The following PDGFD variants were observed in gnomAD, a reference collection of about 807,000 sequenced individuals.
PDGFD encodes platelet-derived growth factor D.
Under a neutral mutation model 44.7 loss-of-function variants are expected in PDGFD, and 30 were observed. That is an observed-to-expected ratio of 0.67 (90% CI 0.50 to 0.91). PDGFD has a LOEUF of 0.91. Ranked by LOEUF, PDGFD falls within the 40% of genes least tolerant of loss-of-function variation. The probability of loss-of-function intolerance (pLI) is 0.00; values close to 1 mark genes in which losing one functional copy is unlikely to be tolerated. For missense variants in PDGFD, 445 were observed against 457.8 expected (o/e 0.97, Z 0.25); for synonymous variants, 173 against 168.4 (o/e 1.03, Z -0.21).
At chr11:104,051,811 T>C (rs1300907928) in intron 1 of PDGFD, among the ~76,000 whole-genome samples, 1 of 150,808 alleles carries the variant, frequency 6.6e-6, no homozygotes, top group African/African-American at 2.5e-5. Context: ...CTGTGCTTTT[T>C]TTGACTTAAA....
At chr11:104,113,697 G>A (rs992254955) in intron 1 of PDGFD, among the ~76,000 whole-genome samples, 13 of 151,600 alleles carry the variant, frequency 8.6e-5, no homozygotes, top group Admixed American at 5.3e-4. Context: ...TAAGAAAAAC[G>A]ATCTTCCAAT....
At chr11:104,093,066 T>C (rs1861233158) in intron 1 of PDGFD, among the ~76,000 whole-genome samples, 1 of 152,180 alleles carries the variant, frequency 6.6e-6, no homozygotes, top group Non-Finnish European at 1.5e-5. Flanking sequence ...CACCACTTTG[T>C]GGTCCCCCAG....
Position 104,000,194 on chromosome 11 carries a change from G to A in PDGFD, c.186C>T (p.Gly62=), listed in dbSNP as rs200532175. ...TCGGGAATCTAGGACTCTGCACGTA[G>A]CCGTTTCCTTTCACCTGGATGGTCT... ...RDETIQVKGN[G]YVQSPRFPNS... Residue 62 remains glycine (G), a synonymous_variant, in exon 2 of 7, where the codon GGC becomes GGT. Coordinates refer to ENST00000393158, the MANE Select transcript of PDGFD (RefSeq NM_025208.5). 33 of 1,613,964 alleles carry A rather than the reference G, an allele frequency of 2.0e-5. No homozygotes were observed. The East Asian group carries it at 5.1e-4, about 25-fold the overall frequency.
intron 5 of PDGFD, among the ~76,000 whole-genome samples, chr11:103,940,521 A>G (rs924466098): frequency 1.3e-5 from 2 of 152,104 alleles, no homozygotes; most frequent in Non-Finnish European, 2.9e-5. Context: ...CACCTAATGG[A>G]CTTCCATTAT....
At chr11:103,913,932 C>A (rs1036635222) in intron 6 of PDGFD, among the ~76,000 whole-genome samples, 2 of 151,854 alleles carry the variant, frequency 1.3e-5, no homozygotes, top group African/African-American at 4.8e-5. Context: ...ACATATGTAG[C>A]CTGTATGGAC....
chr11:103,922,442 T>A (rs2134307190), intron 6 of PDGFD, among the ~76,000 whole-genome samples: 1 of 152,168 alleles, frequency 6.6e-6, no homozygotes, highest in African/African-American at 2.4e-5. Flanking sequence ...TCACCCTCCA[T>A]CCTGAAGGAA....
At chr11:104,090,098 A>T (rs1057370024) in intron 1 of PDGFD, among the ~76,000 whole-genome samples, 2 of 152,204 alleles carry the variant, frequency 1.3e-5, no homozygotes, top group African/African-American at 2.4e-5. Flanking sequence ...TCCTCAAAAG[A>T]CAGCAATGAA....
At chr11:104,022,878 A>T (rs1365684219) in intron 1 of PDGFD, among the ~76,000 whole-genome samples, 1 of 152,114 alleles carries the variant, frequency 6.6e-6, no homozygotes, top group African/African-American at 2.4e-5. Flanking sequence ...AAGTTTCCTG[A>T]ACACTATGTA....
At chr11:104,020,625 CTA>C (rs1284903657) in intron 1 of PDGFD, among the ~76,000 whole-genome samples, 1 of 152,000 alleles carries the variant, frequency 6.6e-6, no homozygotes, top group Non-Finnish European at 1.5e-5. Context: ...AAGGCAATGA[CTA>C]TATTTTGGGA....
chr11:104,119,617 T>G (rs1329771731), intron 1 of PDGFD, among the ~76,000 whole-genome samples: 3 of 89,124 alleles, frequency 3.4e-5, no homozygotes, highest in Admixed American at 2.0e-4. Context: ...ATATAATATA[T>G]TATGTATTAT....
Position 103,909,012 on chromosome 11 carries a change from T to G in PDGFD, c.*682A>C, listed in dbSNP as rs1857985293. Reference sequence around the variant, plus strand: ...AAAATGCATAAAAAACACAATGATTTAATTTCTAAAGCACTTATATTATTA... The same window carrying G: ...AAAATGCATAAAAAACACAATGATTGAATTTCTAAAGCACTTATATTATTA... On this transcript the variant is annotated 3_prime_UTR_variant, in exon 7 of 7. Coordinates refer to ENST00000393158, the MANE Select transcript of PDGFD (RefSeq NM_025208.5). 1 of 152,228 alleles carries G rather than the reference T, an allele frequency of 6.6e-6. No homozygotes were observed. Among genetic ancestry groups the G allele is most frequent in the African/African-American group, 2.4e-5 (1 of 41,458 alleles). The allele number at this position is 152,228 out of a possible 1,614,324, so 9.4% of individuals were successfully genotyped here.
At chr11:104,009,254 G>A (rs1054147062) in intron 1 of PDGFD, among the ~76,000 whole-genome samples, 2 of 152,006 alleles carry the variant, frequency 1.3e-5, no homozygotes, top group African/African-American at 4.8e-5. Context: ...GAAAAATGCT[G>A]TAACAAAAGT....
intron 3 of PDGFD, 78 bp from the exon 4 acceptor site, chr11:103,947,802 C>A: frequency 9.4e-7 from 1 of 1,061,492 alleles, no homozygotes; most frequent in Non-Finnish European, 1.5e-6. Flanking sequence ...ACATCTCAGC[C>A]TTCTGAATCT....
intron 5 of PDGFD, among the ~76,000 whole-genome samples, chr11:103,931,475 T>G (rs1858397569): frequency 6.6e-6 from 1 of 152,230 alleles, no homozygotes; most frequent in African/African-American, 2.4e-5. Context: ...TCATCAATCT[T>G]TATTCTGATA....
At chr11:103,981,205 G>C (rs1177621193) in intron 3 of PDGFD, among the ~76,000 whole-genome samples, 1 of 151,586 alleles carries the variant, frequency 6.6e-6, no homozygotes, top group South Asian at 2.1e-4. Flanking sequence ...CAAAAAGTCA[G>C]GTTGGCTCTT....
intron 1 of PDGFD, among the ~76,000 whole-genome samples, chr11:104,010,527 T>C (rs1859768367): frequency 6.6e-6 from 1 of 152,134 alleles, no homozygotes; most frequent in Non-Finnish European, 1.5e-5. Context: ...TCATATTCTT[T>C]CCTTCAAAAT....
chr11:104,105,040 G>A (rs1861453285), intron 1 of PDGFD, among the ~76,000 whole-genome samples: 3 of 152,100 alleles, frequency 2.0e-5, no homozygotes, highest in South Asian at 4.1e-4. Context: ...TATGTGAAAC[G>A]TATGTGCCAC....
intron 1 of PDGFD, among the ~76,000 whole-genome samples, chr11:104,123,528 TTAA>T (rs1276369311): frequency 6.6e-6 from 1 of 152,082 alleles, no homozygotes; most frequent in Non-Finnish European, 1.5e-5. Context: ...GCATCTATTA[TTAA>T]TAAGTATTTG....
At chr11:104,155,727 G>C (rs1297234395) in intron 1 of PDGFD, among the ~76,000 whole-genome samples, 4 of 152,194 alleles carry the variant, frequency 2.6e-5, no homozygotes, top group Non-Finnish European at 5.9e-5. Context: ...TCATTTGGTT[G>C]CATTTTCCAC....
Sources: allele counts gnomAD v4.1 joint callset (sites outside exome capture counted in the v4.1 genomes callset), GRCh38; gene constraint gnomAD v4.1.1; transcripts MANE v1.5; gene names NCBI Gene and HGNC (gene_info 2026-07-23, HGNC 2026-07-21).